Variants in FGF14 observed in about 807,000 individuals in gnomAD.
FGF14 encodes the protein fibroblast growth factor 14.
FGF14 carries 5 observed loss-of-function variants against 25.5 expected under a neutral mutation model. The ratio of observed to expected loss-of-function variants is 0.20; its 90% CI spans 0.10 to 0.41. The LOEUF (loss-of-function observed/expected upper bound fraction) is 0.41. FGF14 is among the 10% of genes least tolerant of loss of function. The pLI is 1.00. For missense variants in FGF14, 222 were observed against 320.1 expected (o/e 0.69, Z 2.34); for synonymous variants, 138 against 118.3 (o/e 1.17, Z -1.08).
chr13:102,347,694 C>A (rs2057152656), intron 1 of FGF14, among the ~76,000 whole-genome samples: 1 of 152,196 alleles, frequency 6.6e-6, no homozygotes, highest in African/African-American at 2.4e-5. Context: ...AGTGACAGAA[C>A]TGTCAGCTTT....
intron 3 of FGF14, among the ~76,000 whole-genome samples, chr13:101,866,711 T>A (rs1297273479): frequency 6.6e-6 from 1 of 152,176 alleles, no homozygotes; most frequent in African/African-American, 2.4e-5. Context: ...ACTGAAATAT[T>A]TGAAGTTCAA....
Position 101,778,674 on chromosome 13 carries a change from C to A in FGF14, c.409-51864G>T, listed in dbSNP as rs546015718. Reference sequence around the variant, plus strand: ...CCCCACCTGGCTCTTTAGGCCCACACAACCTCTCCCCGTTTCTAAAAAGTG... The same window carrying A: ...CCCCACCTGGCTCTTTAGGCCCACAAAACCTCTCCCCGTTTCTAAAAAGTG... On this transcript the variant is annotated intron_variant, in intron 3 of 4. Coordinates refer to ENST00000376143, the MANE Select transcript of FGF14 (RefSeq NM_004115.4). 3.9e-5 allele frequency among the ~76,000 whole-genome samples: 6 copies of A among 152,296 alleles called. No homozygotes were observed. The South Asian group carries it at 1.2e-3, about 32-fold the overall frequency.
chr13:102,078,810 C>A (rs1274451540), intron 1 of FGF14, among the ~76,000 whole-genome samples: 1 of 152,150 alleles, frequency 6.6e-6, no homozygotes. Context: ...GGAAAGCTAG[C>A]AAAGAGTTTT....
rs56028235 is a variant in FGF14 at position 102,275,262 on chromosome 13, T to TTCTCTCTCTCTCTC, written c.208+126195_208+126208dup. ...TCTCTCTCTCTCTCTCTCTCTCTCT[T>TTCTCTCTCTCTCTC]TCTCTCTCTCTCTCTCTCTCTCTCT... is the stretch of plus-strand genomic sequence containing the variant. On this transcript the variant is annotated intron_variant, in intron 1 of 4. Transcript: ENST00000376131. Among the ~76,000 whole-genome samples, 102 of 68,970 alleles carry TTCTCTCTCTCTCTC rather than the reference T, an allele frequency of 1.5e-3. 3 individuals are homozygous for TTCTCTCTCTCTCTC. The highest frequency in any genetic ancestry group is 4.8e-3 in the African/African-American group (96 of 19,876). The allele number at this position is 68,970 out of a possible 152,430, so 45.2% of individuals were successfully genotyped here.
intron 1 of FGF14, among the ~76,000 whole-genome samples, chr13:102,330,987 T>G (rs1482641014): frequency 6.6e-6 from 1 of 152,202 alleles, no homozygotes; most frequent in African/African-American, 2.4e-5. Context: ...AGTGCTTAAT[T>G]AACACCAGAG....
At chr13:102,326,525 A>G (rs570249360) in intron 1 of FGF14, among the ~76,000 whole-genome samples, 1 of 151,982 alleles carries the variant, frequency 6.6e-6, no homozygotes, top group Non-Finnish European at 1.5e-5. Flanking sequence ...AGGAAGAAAA[A>G]AGTACTTATC....
intron 1 of FGF14, among the ~76,000 whole-genome samples, chr13:101,908,873 G>A (rs2032572541): frequency 6.6e-6 from 1 of 152,168 alleles, no homozygotes; most frequent in Non-Finnish European, 1.5e-5. Flanking sequence ...AAACAGCATG[G>A]TACTGGTACC....
At chr13:102,260,221 G>T (rs561418970) in intron 1 of FGF14, among the ~76,000 whole-genome samples, 1 of 152,290 alleles carries the variant, frequency 6.6e-6, no homozygotes, top group South Asian at 2.1e-4. Context: ...TTTTGAATGG[G>T]TTAACTGGTA....
intron 1 of FGF14, among the ~76,000 whole-genome samples, chr13:102,058,451 C>A (rs539247210): frequency 6.6e-6 from 1 of 152,158 alleles, no homozygotes; most frequent in African/African-American, 2.4e-5. Flanking sequence ...TCTTAACTTT[C>A]ATCAAGGGGT....
chr13:102,119,488 G>A (rs1166494181), intron 1 of FGF14, among the ~76,000 whole-genome samples: 2 of 152,146 alleles, frequency 1.3e-5, no homozygotes, highest in Non-Finnish European at 2.9e-5. Flanking sequence ...AATACTAAAC[G>A]AGGCTAAGAA....
chr13:101,756,233 T>C (rs1383425956), intron 3 of FGF14, among the ~76,000 whole-genome samples: 3 of 152,354 alleles, frequency 2.0e-5, no homozygotes, highest in Non-Finnish European at 2.9e-5. Flanking sequence ...TATTTTAGAC[T>C]AATTCATGCC....
At position 101,845,713 on chromosome 13, in the gene FGF14, GT is replaced by G. The variant is rs920770838; in HGVS notation, c.408+23011del. Among the ~76,000 whole-genome samples, 215 of 152,132 alleles carry G rather than the reference GT, an allele frequency of 1.4e-3. 2 individuals carry two copies. The highest frequency in any genetic ancestry group is 5.1e-3 in the African/African-American group (211 of 41,568). The stretch of plus-strand genomic sequence containing the variant: ...GAATGGCACCAGAGGCGTAAATGAG[GT>G]ACTGTAACATGCTAGGAGTGTTTCA... On this transcript the variant is annotated intron_variant, in intron 3 of 4. Transcript: ENST00000376143.
At chr13:101,865,167 C>T (rs1047844790) in intron 3 of FGF14, among the ~76,000 whole-genome samples, 26 of 152,082 alleles carry the variant, frequency 1.7e-4, no homozygotes, top group Admixed American at 3.9e-4. Context: ...TGATGAATGA[C>T]ATTTTCCTTT....
At chr13:102,129,760 A>C (rs1198823459) in intron 1 of FGF14, among the ~76,000 whole-genome samples, 1 of 152,180 alleles carries the variant, frequency 6.6e-6, no homozygotes, top group African/African-American at 2.4e-5. Flanking sequence ...TGGGTGCAGC[A>C]CACCAACATG....
At chr13:101,756,611 T>C (rs1401889834) in intron 3 of FGF14, among the ~76,000 whole-genome samples, 1 of 152,160 alleles carries the variant, frequency 6.6e-6, no homozygotes, top group Non-Finnish European at 1.5e-5. Flanking sequence ...CACATGCCTG[T>C]AATCCCAGCT....
At chr13:101,961,705 T>C (rs949538410) in intron 1 of FGF14, among the ~76,000 whole-genome samples, 1 of 152,004 alleles carries the variant, frequency 6.6e-6, no homozygotes, top group Non-Finnish European at 1.5e-5. Flanking sequence ...GATCTAATGG[T>C]TTTATGAGGG....
intron 3 of FGF14, among the ~76,000 whole-genome samples, chr13:101,761,582 T>G: frequency 6.6e-6 from 1 of 152,158 alleles, no homozygotes; most frequent in East Asian, 1.9e-4. Flanking sequence ...GCAATGACTA[T>G]AGTTAACAAT....
chr13:102,205,267 A>C (rs1318252099), intron 1 of FGF14, among the ~76,000 whole-genome samples: 1 of 152,220 alleles, frequency 6.6e-6, no homozygotes, highest in Non-Finnish European at 1.5e-5. Flanking sequence ...AAAATGGAGA[A>C]TATTTCTAAT....
chr13:102,350,941 C>A (rs1303766508), intron 1 of FGF14, among the ~76,000 whole-genome samples: 1 of 152,184 alleles, frequency 6.6e-6, no homozygotes, highest in Admixed American at 6.5e-5. Flanking sequence ...CAGGGAGCAA[C>A]AGATTCTCCT....
Sources: gnomAD v4.1 joint callset for allele counts (sites outside exome capture counted in the v4.1 genomes callset) on GRCh38, gnomAD v4.1.1 for gene constraint, MANE v1.5 for transcripts, NCBI Gene and HGNC (gene_info 2026-07-23, HGNC 2026-07-21) for gene names.